The following GRIN2B variants were observed in gnomAD, a reference collection of about 807,000 sequenced individuals.
The protein encoded by GRIN2B is glutamate receptor ionotropic, NMDA 2B.
Under a neutral mutation model 114.5 loss-of-function variants are expected in GRIN2B, and 5 were observed. The observed-to-expected ratio is 0.04, with a 90% CI of 0.02 to 0.09. The LOEUF (loss-of-function observed/expected upper bound fraction) is 0.09, where lower values mean the gene tolerates loss of function less well. Ranked by LOEUF, GRIN2B falls within the 10% of genes least tolerant of loss-of-function variation. The probability of loss-of-function intolerance (pLI) is 1.00; values close to 1 mark genes in which losing one functional copy is unlikely to be tolerated. For missense variants in GRIN2B, 1,108 were observed against 1,943.5 expected (o/e 0.57, Z 8.08); for synonymous variants, 787 against 745.1 (o/e 1.06, Z -0.92).
In GRIN2B at chr12:13,605,510, G is replaced by A. The variant is rs112536027; in HGVS notation, c.2010+3093C>T. ...GGTCACAGTGGAAATTATTTGCAAA[G>A]GTCTTGAAAGTCTCTCTCTCTCTCT... On this transcript the variant is annotated intron_variant, in intron 10 of 13. Coordinates refer to ENST00000609686, the MANE Select transcript of GRIN2B (RefSeq NM_000834.5). 5.7e-3 allele frequency among the ~76,000 whole-genome samples: 685 copies of A among 120,754 alleles called. 8 individuals are homozygous for A. Among genetic ancestry groups the A allele is most frequent in the African/African-American group, 0.022 (638 of 28,854 alleles). The allele number at this position is 120,754 out of a possible 152,430, so 79.2% of individuals were successfully genotyped here. A position where few individuals can be genotyped will look rare whatever the true frequency, so the allele number is the denominator to read the frequency against.
intron 2 of GRIN2B, among the ~76,000 whole-genome samples, chr12:13,926,203 C>T (rs1866907870): frequency 6.6e-6 from 1 of 152,090 alleles, no homozygotes; most frequent in South Asian, 2.1e-4. Context: ...AATGACCAGG[C>T]CAGGGAACTA....
chr12:13,759,910 C>T (rs1863647143), intron 3 of GRIN2B, among the ~76,000 whole-genome samples: 1 of 152,218 alleles, frequency 6.6e-6, no homozygotes, highest in Admixed American at 6.5e-5. Context: ...GTATTGAACA[C>T]ACTCACACAT....
At position 13,964,765 on chromosome 12, in the gene GRIN2B, C is replaced by T. The variant is rs77102084; in HGVS notation, c.-19+15163G>A. ...AAGTGGGAAGGCAGCAAAGATGAAG[C>T]GGGTTTGGGGGTCAAGGAGGGCAGC... On this transcript the variant is annotated intron_variant, in intron 2 of 13. Coordinates refer to ENST00000609686, the MANE Select transcript of GRIN2B (RefSeq NM_000834.5). 2.5e-3 allele frequency among the ~76,000 whole-genome samples: 382 copies of T among 152,244 alleles called. 2 individuals carry two copies. The highest frequency in any genetic ancestry group is 8.0e-3 in the African/African-American group (334 of 41,562).
rs1948510047 is a variant in GRIN2B, at chr12:13,559,273, A to G, written c.*3510T>C. The G allele has an allele frequency of 6.6e-6, 1 of 152,228 alleles. No homozygotes were observed. The highest frequency in any genetic ancestry group is 1.5e-5 in the Non-Finnish European group (1 of 68,044). 9.4% of individuals were successfully genotyped at this position (152,228 alleles called of 1,614,324 possible). ...TGAAGAAAAGCAACCAACTGGGGCC[A>G]AATAAGTTTAGAAAAATAAAATTGT... On this transcript the variant is annotated 3_prime_UTR_variant, in exon 14 of 14. Transcript: ENST00000609686.
At chr12:13,933,761 G>C (rs547945201) in intron 2 of GRIN2B, among the ~76,000 whole-genome samples, 1 of 152,358 alleles carries the variant, frequency 6.6e-6, no homozygotes, top group South Asian at 2.1e-4. Context: ...GCATGGCCAA[G>C]TTGCCAGACA....
At chr12:13,956,218 G>T (rs538834595) in intron 2 of GRIN2B, among the ~76,000 whole-genome samples, 18 of 152,294 alleles carry the variant, frequency 1.2e-4, no homozygotes, top group African/African-American at 4.1e-4. Flanking sequence ...AGCTGGAGCA[G>T]AAAGAGGAGG....
At chr12:13,819,298 A>G (rs956465207) in intron 3 of GRIN2B, among the ~76,000 whole-genome samples, 4 of 152,142 alleles carry the variant, frequency 2.6e-5, no homozygotes, top group Non-Finnish European at 5.9e-5. Context: ...CTTTGAGAAA[A>G]TATATTCCTG....
At chr12:13,831,648 T>C (rs747575747) in intron 3 of GRIN2B, among the ~76,000 whole-genome samples, 1 of 152,220 alleles carries the variant, frequency 6.6e-6, no homozygotes, top group Non-Finnish European at 1.5e-5. Flanking sequence ...AAGAGGCTCA[T>C]GTGGGGGAGC....
At chr12:13,830,236 A>T (rs1167752454) in intron 3 of GRIN2B, among the ~76,000 whole-genome samples, 1 of 152,216 alleles carries the variant, frequency 6.6e-6, no homozygotes, top group Non-Finnish European at 1.5e-5. Flanking sequence ...GTTATGATTG[A>T]ATAATATGGT....
intron 3 of GRIN2B, among the ~76,000 whole-genome samples, chr12:13,825,462 T>G (rs987163616): frequency 6.8e-6 from 1 of 146,532 alleles, no homozygotes; most frequent in Non-Finnish European, 1.5e-5. Flanking sequence ...ATTTTATATA[T>G]ATATAATATA....
intron 4 of GRIN2B, among the ~76,000 whole-genome samples, chr12:13,710,071 GTA>G (rs1211713959): frequency 6.6e-6 from 1 of 151,906 alleles, no homozygotes; most frequent in Admixed American, 6.6e-5. Flanking sequence ...TCATAAAATG[GTA>G]TATTACTCAG....
intron 8 of GRIN2B, among the ~76,000 whole-genome samples, chr12:13,612,351 C>A (rs1949376760): frequency 6.6e-6 from 1 of 152,188 alleles, no homozygotes; most frequent in Non-Finnish European, 1.5e-5. Flanking sequence ...AATAAATAAC[C>A]AGCCCCCTTT....
chr12:13,558,105 A>T lies in GRIN2B; in HGVS notation c.*4678T>A, dbSNP rs1159618296. 1 of 152,242 alleles carries T rather than the reference A, an allele frequency of 6.6e-6. No homozygotes were observed. The highest frequency in any genetic ancestry group is 1.5e-5 in the Non-Finnish European group (1 of 68,068). 9.4% of individuals were successfully genotyped at this position (152,242 alleles called of 1,614,324 possible). A position where few individuals can be genotyped will look rare whatever the true frequency, so the allele number is the denominator to read the frequency against. ...CTCCTCCATGAAGAGCTCCTTAAAC[A>T]GGAGGAAAAGTCTCTGACACCCAAG... On this transcript the variant is annotated 3_prime_UTR_variant, in exon 14 of 14. Coordinates refer to ENST00000609686, the MANE Select transcript of GRIN2B (RefSeq NM_000834.5).
At position 13,925,150 on chromosome 12, in the gene GRIN2B, C is replaced by G. The variant is rs139185295; in HGVS notation, c.-19+54778G>C. Among the ~76,000 whole-genome samples the G allele has an allele frequency of 5.5e-3, 844 of 152,278 alleles. 11 individuals carry two copies. Among genetic ancestry groups the G allele is most frequent in the African/African-American group, 0.019 (810 of 41,544 alleles). On this transcript the variant is annotated intron_variant, in intron 2 of 13. Transcript: ENST00000609686. The stretch of plus-strand genomic sequence containing the variant: ...AACAATGGCTGAAGCGCCAGTGTTG[C>G]CTTTGACTATGGCACTGACCTCCAC...
At position 13,562,564 on chromosome 12, in the gene GRIN2B, G is replaced by A. The variant is rs80081965; in HGVS notation, c.*219C>T. The stretch of plus-strand genomic sequence containing the variant: ...CATGGGAACAGGAATGGCTGACAGC[G>A]GGGGGAAGAAGGAGAGAACTGTGAA... On this transcript the variant is annotated 3_prime_UTR_variant, in exon 14 of 14. Transcript: ENST00000609686. 10,068 of 572,714 alleles carry A rather than the reference G, an allele frequency of 0.018. 129 individuals are homozygous for A. Among genetic ancestry groups the A allele is most frequent in the South Asian group, 0.031 (1,496 of 47,942 alleles). The allele number at this position is 572,714 out of a possible 1,614,324, so 35.5% of individuals were successfully genotyped here.
At chr12:13,639,809 T>C (rs1949697939) in intron 5 of GRIN2B, among the ~76,000 whole-genome samples, 1 of 152,112 alleles carries the variant, frequency 6.6e-6, no homozygotes, top group Non-Finnish European at 1.5e-5. Flanking sequence ...TTTTCTTCTC[T>C]CCTTCCTCTA....
At chr12:13,858,501 A>C (rs1314907484) in intron 3 of GRIN2B, among the ~76,000 whole-genome samples, 1 of 152,224 alleles carries the variant, frequency 6.6e-6, no homozygotes, top group Non-Finnish European at 1.5e-5. Context: ...GGGACTAAAA[A>C]TATACTCTTT....
At chr12:13,958,459 A>G (rs903901740) in intron 2 of GRIN2B, among the ~76,000 whole-genome samples, 15 of 152,220 alleles carry the variant, frequency 9.9e-5, no homozygotes, top group African/African-American at 3.4e-4. Flanking sequence ...TCATAGATTT[A>G]AAATATACTT....
chr12:13,740,139 G>T (rs1335583522), intron 4 of GRIN2B, among the ~76,000 whole-genome samples: 2 of 152,166 alleles, frequency 1.3e-5, no homozygotes, highest in Admixed American at 1.3e-4. Context: ...CATGGCCTTG[G>T]ATCAGAGGTA....
Sources: gnomAD v4.1 joint callset for allele counts (sites outside exome capture counted in the v4.1 genomes callset) on GRCh38, gnomAD v4.1.1 for gene constraint, MANE v1.5 for transcripts, NCBI Gene and HGNC (gene_info 2026-07-23, HGNC 2026-07-21) for gene names.